The following PPP4R2 variants were observed in gnomAD, a reference collection of about 807,000 sequenced individuals.
PPP4R2 encodes the protein serine/threonine-protein phosphatase 4 regulatory subunit 2.
Under a neutral mutation model 47.2 loss-of-function variants are expected in PPP4R2, and 13 were observed. The ratio of observed to expected loss-of-function variants is 0.28; its 90% CI spans 0.18 to 0.44. The LOEUF is 0.44. PPP4R2 is among the 20% of genes least tolerant of loss of function. The pLI, the probability that PPP4R2 is intolerant of heterozygous loss-of-function variation, is 1.00. For missense variants in PPP4R2, 421 were observed against 491.2 expected, an observed-to-expected ratio of 0.86 and a Z score of 1.35; for synonymous variants, 151 against 163.3, an observed-to-expected ratio of 0.92 and a Z score of 0.57.
rs745645634 is a variant in PPP4R2, at chr3:73,062,229, C to T, written c.419+1169C>T. ...TCGGAACCAATTTTCCACAATGTCT[C>T]ATCTAAGAAAGGACTCACAGCCCAG... is the stretch of plus-strand genomic sequence containing the variant. On this transcript the variant is annotated intron_variant, in intron 5 of 8. Transcript: ENST00000356692. 79 of 1,597,286 alleles carry T rather than the reference C, an allele frequency of 4.9e-5. No individual in the cohort carries two copies. The highest frequency in any genetic ancestry group is 6.7e-5 in the Non-Finnish European group (79 of 1,174,918).
chr3:73,037,779 C>T (rs1170549923), intron 2 of PPP4R2, among the ~76,000 whole-genome samples: 3 of 152,170 alleles, frequency 2.0e-5, no homozygotes, highest in Non-Finnish European at 4.4e-5. Flanking sequence ...AGCCCTAAAC[C>T]TACACTGTGA....
chr3:73,059,083 A>G lies in PPP4R2; in HGVS notation c.334A>G (p.Arg112Gly), dbSNP rs1702789738. 6.3e-7 allele frequency: 1 copy of G among 1,592,932 alleles called. No individual in the cohort carries two copies. Among genetic ancestry groups the G allele is most frequent in the Admixed American group, 1.8e-5 (1 of 56,182 alleles). The change falls in exon 4 of 9, where the codon AGG becomes GGG. Residue 112 changes from arginine to glycine, a missense_variant. Physicochemically the swap from Arg to Gly is moderately radical, Grantham distance 125. Around this residue, in one of 2 missense-constraint regions of PPP4R2, gnomAD observed 104 missense variants for 203.7 expected, o/e 0.51. Coordinates refer to ENST00000356692, the MANE Select transcript of PPP4R2 (RefSeq NM_174907.4). ...QRLCELLTDP[R>G]RNYTGTDKFL... ...ACTATGTGAATTGTTAACAGATCCA[A>G]GGAGAAACTATACAGGAACAGACAA...
intron 3 of PPP4R2, among the ~76,000 whole-genome samples, chr3:73,049,021 C>T (rs1020629693): frequency 6.6e-6 from 1 of 152,032 alleles, no homozygotes; most frequent in African/African-American, 2.4e-5. Context: ...ACTGTGCACC[C>T]TGTTGGACTG....
At position 73,067,524 on chromosome 3, in the gene PPP4R2, C is replaced by T. The variant is rs1044954612; in HGVS notation, c.*1802C>T. The T allele has an allele frequency of 1.3e-5, 2 of 151,700 alleles. No individual in the cohort carries two copies. Among genetic ancestry groups the T allele is most frequent in the African/African-American group, 4.8e-5 (2 of 41,268 alleles). 9.4% of individuals were successfully genotyped at this position (151,700 alleles called of 1,614,324 possible). A position where few individuals can be genotyped will look rare whatever the true frequency, so the allele number is the denominator to read the frequency against. On this transcript the variant is annotated 3_prime_UTR_variant, in exon 9 of 9. Coordinates refer to ENST00000356692, the MANE Select transcript of PPP4R2 (RefSeq NM_174907.4). ...AAATCTGAATATTGATTTACTATAC[C>T]CAAGAGGGGAGAAAAATTAACCATT...
intron 2 of PPP4R2, among the ~76,000 whole-genome samples, chr3:73,012,786 C>T (rs1701750821): frequency 6.6e-6 from 1 of 151,896 alleles, no homozygotes; most frequent in Non-Finnish European, 1.5e-5. Context: ...AGGTGGTGGC[C>T]GTTTTTGTTT....
chr3:73,040,767 CCCCCGAAAGTGCTTG>C lies in PPP4R2; in HGVS notation c.117-6417_117-6403del, dbSNP rs752144182. On this transcript the variant is annotated intron_variant, in intron 2 of 8. Transcript: ENST00000356692. ...ATCTCAGGTGATCTGCCTGCCTCAG[CCCCCGAAAGTGCTTG>C]CATTACAGGCGTGAGCCATCGCACC... Among the ~76,000 whole-genome samples, 10 of 152,182 alleles carry C rather than the reference CCCCCGAAAGTGCTTG, an allele frequency of 6.6e-5. No individual in the cohort carries two copies. In the South Asian group the frequency reaches 1.5e-3, roughly 22 times the overall value.
intron 2 of PPP4R2, among the ~76,000 whole-genome samples, chr3:73,043,695 A>G (rs1178849111): frequency 1.3e-5 from 2 of 152,344 alleles, no homozygotes; most frequent in East Asian, 1.9e-4. Context: ...AATGCTGAGC[A>G]TCTTTTCATA....
rs903168371 is a variant in PPP4R2 at position 73,050,377 on chromosome 3, T to C, written c.287+3021T>C. Reference sequence around the variant, plus strand: ...ACATCAAGATTTTTCTATTTTTAATTTACTCTTTTTTTGTCTGTATTTTAA... The same window carrying C: ...ACATCAAGATTTTTCTATTTTTAATCTACTCTTTTTTTGTCTGTATTTTAA... On this transcript the variant is annotated intron_variant, in intron 3 of 8. Transcript: ENST00000356692. Among the ~76,000 whole-genome samples, 25 of 152,140 alleles carry C rather than the reference T, an allele frequency of 1.6e-4. 1 individual carries two copies. The highest frequency in any genetic ancestry group is 5.8e-4 in the African/African-American group (24 of 41,444).
At chr3:73,003,476 A>T (rs914345035) in intron 2 of PPP4R2, among the ~76,000 whole-genome samples, 4 of 151,808 alleles carry the variant, frequency 2.6e-5, no homozygotes, top group African/African-American at 7.3e-5. Flanking sequence ...TTTGCCTCCA[A>T]AGGTGCTGGG....
intron 2 of PPP4R2, among the ~76,000 whole-genome samples, chr3:73,023,651 G>A (rs1702002751): frequency 6.6e-6 from 1 of 152,162 alleles, no homozygotes; most frequent in African/African-American, 2.4e-5. Flanking sequence ...GTTCATCAAA[G>A]GAAGACATGA....
chr3:73,019,291 G>A (rs1297280309), intron 2 of PPP4R2, among the ~76,000 whole-genome samples: 1 of 152,128 alleles, frequency 6.6e-6, no homozygotes. Context: ...ACATTTCTCA[G>A]AACATACCCT....
At chr3:73,025,353 G>C (rs1215646813) in intron 2 of PPP4R2, among the ~76,000 whole-genome samples, 1 of 152,146 alleles carries the variant, frequency 6.6e-6, no homozygotes, top group Non-Finnish European at 1.5e-5. Context: ...ATTTAGCACT[G>C]ACCCTTGTTC....
chr3:73,010,122 CAGT>C (rs1254012025), intron 2 of PPP4R2, among the ~76,000 whole-genome samples: 1 of 152,140 alleles, frequency 6.6e-6, no homozygotes, highest in Non-Finnish European at 1.5e-5. Flanking sequence ...TGATATGAAA[CAGT>C]AGTAATAATG....
chr3:73,029,706 G>T (rs1412012034), intron 2 of PPP4R2, among the ~76,000 whole-genome samples: 1 of 152,150 alleles, frequency 6.6e-6, no homozygotes, highest in African/African-American at 2.4e-5. Flanking sequence ...CATGCAGATA[G>T]TATTAAAAAC....
chr3:72,997,754 C>T (rs534233018), intron 1 of PPP4R2, among the ~76,000 whole-genome samples: 2 of 152,228 alleles, frequency 1.3e-5, no homozygotes, highest in South Asian at 4.1e-4. Flanking sequence ...TGGTGGGAGT[C>T]GGGGCCTGGG....
In PPP4R2 at chr3:73,063,319, A is replaced by T. The variant is rs866197231; in HGVS notation, c.420-354A>T. 5.2e-4 allele frequency: 52 copies of T among 100,732 alleles called. No homozygotes were observed. In the Middle Eastern group the frequency reaches 0.014, roughly 26 times the overall value. The allele number at this position is 100,732 out of a possible 1,614,324, so 6.2% of individuals were successfully genotyped here. A position where few individuals can be genotyped will look rare whatever the true frequency, so the allele number is the denominator to read the frequency against. On this transcript the variant is annotated intron_variant, in intron 5 of 8. Coordinates refer to ENST00000356692, the MANE Select transcript of PPP4R2 (RefSeq NM_174907.4). ...TAACATGAACTAATTCTCATTATTT[A>T]AAAAAAAAAAAAAAAAAAAAAGTCC...
At chr3:73,038,872 C>G (rs952277245) in intron 2 of PPP4R2, among the ~76,000 whole-genome samples, 2 of 152,188 alleles carry the variant, frequency 1.3e-5, no homozygotes, top group African/African-American at 4.8e-5. Flanking sequence ...GTGTTACCTT[C>G]TGAAGCTTTC....
At chr3:73,065,278 G>A in intron 8 of PPP4R2, 119 bp from the exon 9 acceptor site, 1 of 1,291,884 alleles carries the variant, frequency 7.7e-7, no homozygotes, top group Non-Finnish European at 1.0e-6. Flanking sequence ...CCTGTATGTA[G>A]TTGCTGCTGA....
rs569885186 is a variant in PPP4R2 at position 73,033,247 on chromosome 3, GTC to G, written c.117-13933_117-13932del. 2.3e-3 allele frequency among the ~76,000 whole-genome samples: 349 copies of G among 152,182 alleles called. 1 individual carries two copies. The highest frequency in any genetic ancestry group is 3.4e-3 in the Middle Eastern group (1 of 294). On this transcript the variant is annotated intron_variant, in intron 2 of 8. Coordinates refer to ENST00000356692, the MANE Select transcript of PPP4R2 (RefSeq NM_174907.4). ...TGGTTATTCTAGGTTGAAAATTATT[GTC>G]TCTCTGAATTTTGAAGGAATTTTTT...
Sources: allele counts gnomAD v4.1 joint callset (sites outside exome capture counted in the v4.1 genomes callset), GRCh38; gene constraint gnomAD v4.1.1; regional missense constraint gnomAD v4.1.1; transcripts MANE v1.5; gene names NCBI Gene and HGNC (gene_info 2026-07-23, HGNC 2026-07-21).